Variants in EXOC6B observed in about 807,000 individuals in gnomAD.
EXOC6B encodes exocyst complex component 6B.
A neutral mutation model predicts 113.5 loss-of-function variants in EXOC6B; 54 were observed. The observed-to-expected ratio is 0.48, with a 90% confidence interval of 0.38 to 0.60. The LOEUF (loss-of-function observed/expected upper bound fraction) is 0.60. Among genes scored for constraint, EXOC6B ranks in the 20% least tolerant of loss-of-function variants. The pLI is 0.00. For missense variants in EXOC6B, 797 were observed against 977.5 expected (o/e 0.82, Z 2.46); for synonymous variants, 357 against 339.0 (o/e 1.05, Z -0.58).
chr2:72,488,982 A>C (rs1302999630), intron 16 of EXOC6B, among the ~76,000 whole-genome samples: 1 of 151,832 alleles, frequency 6.6e-6, no homozygotes, highest in Non-Finnish European at 1.5e-5. Context: ...TGCTCACTCC[A>C]CTCCAGCTAC....
At chr2:72,641,507 G>A (rs768528274) in intron 6 of EXOC6B, among the ~76,000 whole-genome samples, 4 of 152,264 alleles carry the variant, frequency 2.6e-5, no homozygotes, top group African/African-American at 9.6e-5. Context: ...ACCTGGCAAC[G>A]GGAGGGGTAT....
chr2:72,244,430 T>C (rs544189549), intron 20 of EXOC6B, among the ~76,000 whole-genome samples: 10 of 152,180 alleles, frequency 6.6e-5, no homozygotes, highest in African/African-American at 1.9e-4. Context: ...TTTATAACAT[T>C]GAATCCATAA....
chr2:72,501,247 C>A (rs1187294328), intron 11 of EXOC6B, among the ~76,000 whole-genome samples: 2 of 152,168 alleles, frequency 1.3e-5, no homozygotes, highest in Non-Finnish European at 2.9e-5. Flanking sequence ...TTGGATCTCT[C>A]ATGAGTAGCC....
At chr2:72,330,823 C>G (rs1243033122) in intron 20 of EXOC6B, among the ~76,000 whole-genome samples, 4 of 152,020 alleles carry the variant, frequency 2.6e-5, no homozygotes, top group Non-Finnish European at 5.9e-5. Flanking sequence ...GTGTAGGCTT[C>G]AAGGAGTTTG....
At chr2:72,646,994 A>G (rs1470409525) in intron 6 of EXOC6B, among the ~76,000 whole-genome samples, 6 of 152,322 alleles carry the variant, frequency 3.9e-5, no homozygotes, top group Non-Finnish European at 5.9e-5. Flanking sequence ...TCAATTAGGA[A>G]AAGAGGAAGT....
intron 6 of EXOC6B, among the ~76,000 whole-genome samples, chr2:72,662,846 C>T (rs1442231588): frequency 6.6e-6 from 1 of 152,058 alleles, no homozygotes; most frequent in African/African-American, 2.4e-5. Flanking sequence ...TCAAGTGATT[C>T]TCCTGCCTCA....
intron 6 of EXOC6B, among the ~76,000 whole-genome samples, chr2:72,654,920 A>G (rs980874024): frequency 6.6e-6 from 1 of 152,208 alleles, no homozygotes; most frequent in Non-Finnish European, 1.5e-5. Context: ...AAAACATGTA[A>G]TACCACGCAT....
At chr2:72,204,732 A>C (rs1679726741) in intron 20 of EXOC6B, among the ~76,000 whole-genome samples, 1 of 152,046 alleles carries the variant, frequency 6.6e-6, no homozygotes, top group Non-Finnish European at 1.5e-5. Context: ...AGTGGCCATA[A>C]ATTTACAGAA....
chr2:72,244,762 T>G (rs1682546405), intron 20 of EXOC6B, among the ~76,000 whole-genome samples: 1 of 151,944 alleles, frequency 6.6e-6, no homozygotes. Context: ...TAAAGGAATA[T>G]TACAGGAACT....
At position 72,660,798 on chromosome 2, in the gene EXOC6B, C is replaced by T. The variant is rs1437487451; in HGVS notation, c.669+57305G>A. Among the ~76,000 whole-genome samples, 6 of 149,464 alleles carry T rather than the reference C, an allele frequency of 4.0e-5. No individual in the cohort carries two copies. In the South Asian group the frequency reaches 6.3e-4, roughly 16 times the overall value. On this transcript the variant is annotated intron_variant, in intron 6 of 21. Coordinates refer to ENST00000272427, the MANE Select transcript of EXOC6B (RefSeq NM_015189.3). ...AAGAAGACCAGAAGTTGAAGTATTA[C>T]ACAATTGGCACTAAGTTTACCTTTT...
chr2:72,683,035 A>G (rs1676824740), intron 6 of EXOC6B, among the ~76,000 whole-genome samples: 1 of 152,196 alleles, frequency 6.6e-6, no homozygotes, highest in African/African-American at 2.4e-5. Flanking sequence ...ACATTTGACA[A>G]TCTTGTTACC....
chr2:72,383,275 A>C (rs1691802713), intron 18 of EXOC6B, among the ~76,000 whole-genome samples: 1 of 152,172 alleles, frequency 6.6e-6, no homozygotes, highest in Non-Finnish European at 1.5e-5. Context: ...ACAATCTATA[A>C]GGAACTTAAA....
rs2105180494 is a variant in EXOC6B, at chr2:72,822,379, G to A, written c.113+3419C>T. ...GTTTGCTAGGCAACACCCTCTTTAT[G>A]TGTGGATATGCTTGGGCCTTTCAGA... On this transcript the variant is annotated intron_variant, in intron 1 of 21. Transcript: ENST00000272427. 1.3e-5 allele frequency among the ~76,000 whole-genome samples: 2 copies of A among 152,308 alleles called. 1 individual carries two copies. Among genetic ancestry groups the A allele is most frequent in the Admixed American group, 1.3e-4 (2 of 15,304 alleles).
At chr2:72,432,775 T>C (rs958771069) in intron 18 of EXOC6B, among the ~76,000 whole-genome samples, 1 of 152,086 alleles carries the variant, frequency 6.6e-6, no homozygotes, top group African/African-American at 2.4e-5. Flanking sequence ...GGGGTTGTTT[T>C]TTTTCTTGTA....
intron 17 of EXOC6B, among the ~76,000 whole-genome samples, chr2:72,471,168 G>A (rs1393728336): frequency 1.3e-5 from 2 of 152,100 alleles, no homozygotes; most frequent in African/African-American, 4.8e-5. Context: ...TCTAACTGGT[G>A]TGAGATGGTA....
intron 6 of EXOC6B, among the ~76,000 whole-genome samples, chr2:72,688,295 G>A (rs1399071088): frequency 6.6e-6 from 1 of 152,152 alleles, no homozygotes; most frequent in African/African-American, 2.4e-5. Context: ...AATTTACTTA[G>A]GAGAGGACCC....
intron 20 of EXOC6B, among the ~76,000 whole-genome samples, chr2:72,276,714 G>T (rs768899143): frequency 4.6e-5 from 7 of 152,066 alleles, no homozygotes; most frequent in Non-Finnish European, 8.8e-5. Flanking sequence ...TGATATAAAT[G>T]ACTCAACTGC....
intron 6 of EXOC6B, among the ~76,000 whole-genome samples, chr2:72,665,913 T>C (rs1187591858): frequency 6.6e-6 from 1 of 152,192 alleles, no homozygotes; most frequent in Non-Finnish European, 1.5e-5. Flanking sequence ...AATAAAAAGA[T>C]GACCCAATTA....
chr2:72,422,751 C>A (rs1228451615), intron 18 of EXOC6B, among the ~76,000 whole-genome samples: 1 of 151,904 alleles, frequency 6.6e-6, no homozygotes, highest in Non-Finnish European at 1.5e-5. Context: ...GTGCACCAAT[C>A]GACACTCTGT....
Sources: gnomAD v4.1 joint callset for allele counts (sites outside exome capture counted in the v4.1 genomes callset) on GRCh38, gnomAD v4.1.1 for gene constraint, MANE v1.5 for transcripts, NCBI Gene and HGNC (gene_info 2026-07-23, HGNC 2026-07-21) for gene names.